ACYP2: variants seen among roughly 807,000 people sequenced by gnomAD.
ACYP2 encodes the protein acylphosphatase 2.
ACYP2 carries 12 observed loss-of-function variants against 11.2 expected under a neutral mutation model. That is an observed-to-expected ratio of 1.08 (90% CI 0.69 to 1.74). ACYP2 has a LOEUF of 1.74. Among genes scored for constraint, ACYP2 ranks in the 40% most tolerant of loss-of-function variants. The probability of loss-of-function intolerance (pLI) is 0.00; values close to 1 mark genes in which losing one functional copy is unlikely to be tolerated. For missense variants in ACYP2, 134 were observed against 101.9 expected (o/e 1.31, Z -1.35); for synonymous variants, 43 against 32.2 (o/e 1.33, Z -1.13).
rs745765742 is a variant in ACYP2, at chr2:54,255,352, C to G, written c.405-49336C>G. ...GCTTAACATCTCGGCATCTTGGCCT[C>G]TAATCATGGCAGACAGCTGTGGGTG... On this transcript the variant is annotated intron_variant, in intron 6 of 6. Coordinates refer to ENST00000607452, the MANE Select transcript of ACYP2 (RefSeq NM_001320586.2). 2.5e-6 allele frequency: 4 copies of G among 1,614,162 alleles called. No individual in the cohort carries two copies. In the South Asian group the frequency reaches 3.3e-5, roughly 13 times the overall value.
At position 54,010,737 on chromosome 2, in the gene ACYP2, CTTTTTTTTTTTTTTTTTTTT is replaced by C. The variant is rs539896151; in HGVS notation, c.62+36936_62+36955del. On this transcript the variant is annotated intron_variant, in intron 2 of 6. Transcript: ENST00000607452. Reference sequence around the variant, plus strand: ...CTTCGGTTTCTCTTTTTCTTTCTTTCTTTTTTTTTTTTTTTTTTTTTTTTTTTTGAGGCAGCAGAGTTCAC... The same window carrying C: ...CTTCGGTTTCTCTTTTTCTTTCTTTCTTTTTTTTGAGGCAGCAGAGTTCAC... Among the ~76,000 whole-genome samples the C allele has an allele frequency of 6.5e-5, 7 of 107,642 alleles. No homozygotes were observed. The East Asian group carries it at 2.0e-3, about 31-fold the overall frequency. 70.6% of individuals were successfully genotyped at this position (107,642 alleles called of 152,430 possible). A position where few individuals can be genotyped will look rare whatever the true frequency, so the allele number is the denominator to read the frequency against.
chr2:54,290,046 C>A (rs1228589933), intron 6 of ACYP2, among the ~76,000 whole-genome samples: 2 of 152,054 alleles, frequency 1.3e-5, no homozygotes, highest in Non-Finnish European at 2.9e-5. Context: ...TCCATCCCAC[C>A]TTGGCGCTAT....
At chr2:53,993,333 T>C (rs942724040) in intron 2 of ACYP2, among the ~76,000 whole-genome samples, 5 of 148,450 alleles carry the variant, frequency 3.4e-5, no homozygotes, top group African/African-American at 1.0e-4. Context: ...AGGGCAGGAG[T>C]GAAATGAAGG....
intron 4 of ACYP2, among the ~76,000 whole-genome samples, chr2:54,111,152 G>C (rs1679440344): frequency 6.6e-6 from 1 of 152,122 alleles, no homozygotes; most frequent in African/African-American, 2.4e-5. Flanking sequence ...TACAGAAGCT[G>C]GGATACGGCT....
intron 6 of ACYP2, among the ~76,000 whole-genome samples, chr2:54,237,491 T>C (rs1686538858): frequency 6.6e-6 from 1 of 152,190 alleles, no homozygotes; most frequent in Non-Finnish European, 1.5e-5. Flanking sequence ...AAAAATGTTT[T>C]TTTTCTCTAC....
chr2:54,075,868 C>T (rs1313953047), intron 4 of ACYP2, among the ~76,000 whole-genome samples: 1 of 151,988 alleles, frequency 6.6e-6, no homozygotes, highest in Non-Finnish European at 1.5e-5. Flanking sequence ...AGAAGTTTCC[C>T]TTTTCGTAAA....
chr2:54,033,859 A>G (rs528697002), intron 2 of ACYP2, among the ~76,000 whole-genome samples: 55 of 152,346 alleles, frequency 3.6e-4, no homozygotes, highest in African/African-American at 1.3e-3. Context: ...TTTTCTCCCT[A>G]GATTCTGAAA....
At chr2:54,048,126 G>C (rs1269499340) in intron 2 of ACYP2, among the ~76,000 whole-genome samples, 1 of 152,058 alleles carries the variant, frequency 6.6e-6, no homozygotes, top group Non-Finnish European at 1.5e-5. Flanking sequence ...TATATTTTTT[G>C]TAATAAAAGT....
At chr2:54,255,121 C>A (rs371089329) in intron 6 of ACYP2, 16 of 1,614,026 alleles carry the variant, frequency 9.9e-6, no homozygotes, top group Non-Finnish European at 1.3e-5. Context: ...GATGACATGT[C>A]GGTTCCTATG....
At chr2:54,119,804 T>A (rs1009441404) in intron 4 of ACYP2, among the ~76,000 whole-genome samples, 2 of 152,206 alleles carry the variant, frequency 1.3e-5, no homozygotes, top group African/African-American at 4.8e-5. Flanking sequence ...TTACCTAATG[T>A]CTTTTTTTTG....
chr2:53,974,053 C>T (rs1226375404), intron 2 of ACYP2, among the ~76,000 whole-genome samples: 6 of 150,718 alleles, frequency 4.0e-5, no homozygotes, highest in East Asian at 2.0e-4. Context: ...ACCACAGGTG[C>T]GCACCACCAC....
At chr2:54,063,960 G>T (rs933771314) in intron 4 of ACYP2, among the ~76,000 whole-genome samples, 1 of 152,160 alleles carries the variant, frequency 6.6e-6, no homozygotes, top group Non-Finnish European at 1.5e-5. Flanking sequence ...GGTGTTGAAG[G>T]GGGAGGCAAA....
chr2:54,074,514 T>G (rs1397732508), intron 4 of ACYP2, among the ~76,000 whole-genome samples: 1 of 152,044 alleles, frequency 6.6e-6, no homozygotes, highest in Non-Finnish European at 1.5e-5. Flanking sequence ...TAAAAATCAC[T>G]GAATTGTACA....
chr2:54,287,951 G>A (rs1689147681), intron 6 of ACYP2, among the ~76,000 whole-genome samples: 1 of 151,958 alleles, frequency 6.6e-6, no homozygotes, highest in African/African-American at 2.4e-5. Flanking sequence ...GACTCTCTAT[G>A]CTGCTTGCTT....
chr2:53,985,583 T>A (rs772275535), intron 2 of ACYP2, among the ~76,000 whole-genome samples: 5 of 152,188 alleles, frequency 3.3e-5, no homozygotes, highest in Non-Finnish European at 5.9e-5. Flanking sequence ...TCCAAATACC[T>A]ATCAACATAT....
chr2:54,022,449 G>A (rs1674055516), intron 2 of ACYP2, among the ~76,000 whole-genome samples: 1 of 152,082 alleles, frequency 6.6e-6, no homozygotes, highest in African/African-American at 2.4e-5. Context: ...TGGCCTGATA[G>A]CAGCTCACTG....
At chr2:54,296,001 T>TCTGCCA (rs1412633500) in intron 6 of ACYP2, among the ~76,000 whole-genome samples, 2 of 151,978 alleles carry the variant, frequency 1.3e-5, no homozygotes, top group East Asian at 3.9e-4. Flanking sequence ...CCTCAAGTGA[T>TCTGCCA]CTGCCACTTC....
At chr2:54,030,365 C>G (rs1674519355) in intron 2 of ACYP2, among the ~76,000 whole-genome samples, 1 of 152,168 alleles carries the variant, frequency 6.6e-6, no homozygotes, top group African/African-American at 2.4e-5. Flanking sequence ...TTGGTTTGCT[C>G]CAGGTTAGGG....
chr2:54,258,061 G>T (rs1010057533), intron 6 of ACYP2, among the ~76,000 whole-genome samples: 2 of 152,140 alleles, frequency 1.3e-5, no homozygotes, highest in African/African-American at 4.8e-5. Flanking sequence ...TACTCTTATA[G>T]GCCCTCTGGA....
Sources: allele counts gnomAD v4.1 joint callset (sites outside exome capture counted in the v4.1 genomes callset), GRCh38; gene constraint gnomAD v4.1.1; transcripts MANE v1.5; gene names NCBI Gene and HGNC (gene_info 2026-07-23, HGNC 2026-07-21).